GPD1: variants seen among roughly 807,000 people sequenced by gnomAD.
GPD1 encodes the protein glycerol-3-phosphate dehydrogenase 1.
A neutral mutation model predicts 34.4 loss-of-function variants in GPD1; 19 were observed. The observed-to-expected ratio is 0.55, with a 90% CI of 0.39 to 0.81. The LOEUF (loss-of-function observed/expected upper bound fraction) is 0.81. Ranked by LOEUF, GPD1 falls within the 30% of genes least tolerant of loss-of-function variation. GPD1 has a pLI of 0.00. For missense variants in GPD1, 429 were observed against 447.0 expected (o/e 0.96, Z 0.36); for synonymous variants, 172 against 174.1 (o/e 0.99, Z 0.09).
At chr12:50,105,808 A>G in intron 3 of GPD1, 120 bp downstream of exon 3, 1 of 1,035,582 alleles carries the variant, frequency 9.7e-7, no homozygotes, top group Non-Finnish European at 1.5e-6. Context: ...GCTGGAGAAA[A>G]GAGAGGCAGT....
At chr12:50,104,226 G>GTCTGTCCTGTGCT in intron 1 of GPD1, 135 bp downstream of exon 1, 1 of 889,096 alleles carries the variant, frequency 1.1e-6, no homozygotes, top group Non-Finnish European at 1.9e-6. Flanking sequence ...TAGCAGCACA[G>GTCTGTCCTGTGCT]GACAGACGGT....
Position 50,107,811 on chromosome 12 carries a change from G to A in GPD1, c.846+11G>A. Reference sequence around the variant, plus strand: ...GCGCGTACAGGAAAGGTGGGCCCCGGGAGAAGGGAGAACAGAGGGGCGGCT... The same window carrying A: ...GCGCGTACAGGAAAGGTGGGCCCCGAGAGAAGGGAGAACAGAGGGGCGGCT... On this transcript the variant is annotated intron_variant, in intron 6 of 7. Coordinates refer to ENST00000301149, the MANE Select transcript of GPD1 (RefSeq NM_005276.4). The A allele has an allele frequency of 6.3e-7, 1 of 1,584,866 alleles. No homozygotes were observed. Among genetic ancestry groups the A allele is most frequent in the Non-Finnish European group, 8.7e-7 (1 of 1,153,454 alleles).
chr12:50,104,564 C>T lies in GPD1; in HGVS notation c.42-10C>T, dbSNP rs1451220736. On this transcript the variant is annotated splice_polypyrimidine_tract_variant and intron_variant, in intron 1 of 7. Coordinates refer to ENST00000301149, the MANE Select transcript of GPD1 (RefSeq NM_005276.4). ...CCTCCTGTACTTTCCTGTGCTCCCC[C>T]TCCCACCAGGGGCTCAGCCATCGCC... The T allele has an allele frequency of 1.8e-5, 29 of 1,610,604 alleles. No individual in the cohort carries two copies. Among genetic ancestry groups the T allele is most frequent in the African/African-American group, 2.7e-5 (2 of 74,858 alleles).
rs1950966996 is a variant in GPD1 at position 50,104,754 on chromosome 12, G to A, written c.219+3G>A. On this transcript the variant is annotated splice_donor_region_variant and intron_variant, in intron 2 of 7. Transcript: ENST00000301149. Reference sequence around the variant, plus strand: ...GGCACAAGTTGCCCCCAAATGTGGTGAGCCCCAACACCCTGCGAAGAACAG... The same window carrying A: ...GGCACAAGTTGCCCCCAAATGTGGTAAGCCCCAACACCCTGCGAAGAACAG... 1.2e-6 allele frequency: 2 copies of A among 1,612,776 alleles called. No individual in the cohort carries two copies. The highest frequency in any genetic ancestry group is 2.2e-5 in the South Asian group (2 of 90,998).
chr12:50,109,377 G>T, intron 7 of GPD1, 46 bp from the exon 8 acceptor site: 1 of 961,464 alleles, frequency 1.0e-6, no homozygotes, highest in Non-Finnish European at 1.7e-6. Context: ...GGGTAGAGTG[G>T]ACCAGGAGTG....
rs751971024 is a variant in GPD1 at position 50,106,827 on chromosome 12, A to G, written c.522A>G (p.Gly174=). 21 of 1,607,100 alleles carry G rather than the reference A, an allele frequency of 1.3e-5. 1 individual carries two copies. In the South Asian group the frequency reaches 2.3e-4, roughly 18 times the overall value. Residue 174 remains glycine (G), a synonymous_variant, in exon 5 of 8, where the codon GGA becomes GGG. Transcript: ENST00000301149. ...TTIGCKDPAQ[G]QLLKELMQTP... The stretch of plus-strand genomic sequence containing the variant: ...TAGGCTGCAAGGACCCGGCCCAGGG[A>G]CAACTCCTGAAAGAGCTGATGCAGA...
rs781120676 is a variant in GPD1, at chr12:50,105,540, C to T, written c.220-8C>T. ...GCCAGGCCCGCGAGCACTTGGTCAC[C>T]CCCACAGGTGGCTGTCCCAGATGTG... On this transcript the variant is annotated splice_region_variant and splice_polypyrimidine_tract_variant and intron_variant, in intron 2 of 7. Transcript: ENST00000301149. 6.2e-7 allele frequency: 1 copy of T among 1,610,380 alleles called. No individual in the cohort carries two copies.
chr12:50,106,104 T>C, intron 3 of GPD1, 184 bp from the exon 4 acceptor site: 1 of 623,560 alleles, frequency 1.6e-6, no homozygotes, highest in Non-Finnish European at 2.8e-6. Context: ...TGAGGGTATG[T>C]GGCAGGACAG....
chr12:50,105,237 C>G (rs1481686943), intron 2 of GPD1: 1 of 370,526 alleles, frequency 2.7e-6, no homozygotes, highest in Admixed American at 4.2e-5. Flanking sequence ...TATTTGAGCT[C>G]TTTCTTTTGC....
At position 50,110,730 on chromosome 12, in the gene GPD1, GAGAGCTGGGAAACTCA is replaced by G. The variant is rs1951016584; in HGVS notation, c.*1214_*1229del. 6.5e-6 allele frequency: 1 copy of G among 152,762 alleles called. No homozygotes were observed. Among genetic ancestry groups the G allele is most frequent in the Non-Finnish European group, 1.5e-5 (1 of 68,146 alleles). The allele number at this position is 152,762 out of a possible 1,614,324, so 9.5% of individuals were successfully genotyped here. On this transcript the variant is annotated 3_prime_UTR_variant, in exon 8 of 8. Coordinates refer to ENST00000301149, the MANE Select transcript of GPD1 (RefSeq NM_005276.4). Reference sequence around the variant, plus strand: ...GAGGTACTGACAACACCAGCAACTCGAGAGCTGGGAAACTCAAGGAGGAGGAAGAAAATCAAAACCA... The same window carrying G: ...GAGGTACTGACAACACCAGCAACTCGAGGAGGAGGAAGAAAATCAAAACCA...
In GPD1 at chr12:50,107,873, A is replaced by C. The variant is rs750518715; in HGVS notation, c.846+73A>C. On this transcript the variant is annotated intron_variant, in intron 6 of 7. Transcript: ENST00000301149. ...CAGGTAGAGGTGCTTGGCGGGAGGC[A>C]TCTCTGGAGCACAAACATTAAGACT... 2.6e-6 allele frequency: 3 copies of C among 1,167,642 alleles called. No homozygotes were observed. The South Asian group carries it at 3.7e-5, about 14-fold the overall frequency. The allele number at this position is 1,167,642 out of a possible 1,614,324, so 72.3% of individuals were successfully genotyped here. A position where few individuals can be genotyped will look rare whatever the true frequency, so the allele number is the denominator to read the frequency against.
chr12:50,109,391 G>A (rs1394107464), intron 7 of GPD1, 32 bp from the exon 8 acceptor site: 1 of 1,106,558 alleles, frequency 9.0e-7, no homozygotes, highest in Non-Finnish European at 1.4e-6. Flanking sequence ...AGGAGTGGGA[G>A]GCTAAGCTGA....
At position 50,105,647 on chromosome 12, in the gene GPD1, G is replaced by A; in HGVS notation, c.319G>A (p.Gly107Ser). The A allele has an allele frequency of 3.1e-6, 5 of 1,614,150 alleles. No individual in the cohort carries two copies. Among genetic ancestry groups the A allele is most frequent in the Middle Eastern group, 1.6e-4 (1 of 6,062 alleles). Residue 107 changes from glycine (G) to serine (S), a missense_variant, in exon 3 of 8, where the codon GGC (glycine) becomes AGC (serine). Transcript: ENST00000301149. ...CGGCAAGATCTGTGACCAGCTCAAG[G>A]GCCATCTGAAGGCAAACGCCACTGG... ...FIGKICDQLKGHLKANATGIS... is the reference protein window; with the variant it reads ...FIGKICDQLKSHLKANATGIS...
At position 50,109,587 on chromosome 12, in the gene GPD1, T is replaced by C; in HGVS notation, c.*68T>C. On this transcript the variant is annotated 3_prime_UTR_variant, in exon 8 of 8. Coordinates refer to ENST00000301149, the MANE Select transcript of GPD1 (RefSeq NM_005276.4). ...GAGACCAGCAGAAGCCTGGGGTACC[T>C]AGTCACCAGGATCTCCAGGACTCCC... is the stretch of plus-strand genomic sequence containing the variant. 1 of 801,990 alleles carries C rather than the reference T, an allele frequency of 1.2e-6. No individual in the cohort carries two copies. The highest frequency in any genetic ancestry group is 2.2e-6 in the Non-Finnish European group (1 of 445,568). 49.7% of individuals were successfully genotyped at this position (801,990 alleles called of 1,614,324 possible).
At chr12:50,105,974 G>A (rs987471747) in intron 3 of GPD1, 17 of 657,218 alleles carry the variant, frequency 2.6e-5, no homozygotes, top group Middle Eastern at 2.4e-4. Flanking sequence ...GGTTTGAGAA[G>A]TGTGAAGAGT....
At chr12:50,107,172 T>C (rs1592302319) in intron 5 of GPD1, 1 of 668,418 alleles carries the variant, frequency 1.5e-6, no homozygotes, top group Non-Finnish European at 2.7e-6. Context: ...CCCCACCCTC[T>C]GGCTCCAGGA....
chr12:50,106,034 G>A, intron 3 of GPD1: 1 of 621,348 alleles, frequency 1.6e-6, no homozygotes, highest in Non-Finnish European at 2.9e-6. Context: ...TGTTGGGGCA[G>A]TCAGGCGGGG....
In GPD1 at chr12:50,108,066, C is replaced by A. The variant is rs775485553; in HGVS notation, c.889C>A (p.Leu297Met). 1.1e-5 allele frequency: 17 copies of A among 1,613,338 alleles called. No individual in the cohort carries two copies. The highest frequency in any genetic ancestry group is 1.4e-5 in the Non-Finnish European group (17 of 1,179,632). ...LEKELLNGQK[L>M]QGPETARELY... ...GAAAGAGTTGCTGAATGGGCAGAAA[C>A]TGCAGGGGCCCGAGACAGCCCGGGA... is the stretch of plus-strand genomic sequence containing the variant. The change falls in exon 7 of 8, where the codon CTG becomes ATG. Residue 297 changes from leucine (L) to methionine (M), a missense_variant. Transcript: ENST00000301149.
Position 50,106,934 on chromosome 12 carries a change from G to C in GPD1, c.612+17G>C, listed in dbSNP as rs750047628. 3 of 1,465,384 alleles carry C rather than the reference G, an allele frequency of 2.0e-6. No individual in the cohort carries two copies. The highest frequency in any genetic ancestry group is 1.9e-6 in the Non-Finnish European group (2 of 1,044,480). 90.8% of individuals were successfully genotyped at this position (1,465,384 alleles called of 1,614,324 possible). A position where few individuals can be genotyped will look rare whatever the true frequency, so the allele number is the denominator to read the frequency against. On this transcript the variant is annotated intron_variant, in intron 5 of 7. Coordinates refer to ENST00000301149, the MANE Select transcript of GPD1 (RefSeq NM_005276.4). ...GCCTTAAAGGTGAGAGGGGCACAGA[G>C]GCAGCTATGGGGTGAGGAGAAGGCC... is the stretch of plus-strand genomic sequence containing the variant.
Sources: gnomAD v4.1 joint callset for allele counts on GRCh38, gnomAD v4.1.1 for gene constraint, MANE v1.5 for transcripts, NCBI Gene and HGNC (gene_info 2026-07-23, HGNC 2026-07-21) for gene names.